ABCF3: variants seen among roughly 807,000 people sequenced by gnomAD.
ABCF3 encodes ATP binding cassette subfamily F member 3.
Under a neutral mutation model 94.3 loss-of-function variants are expected in ABCF3, and 62 were observed. That is an observed-to-expected ratio of 0.66 (90% CI 0.54 to 0.81). The LOEUF (loss-of-function observed/expected upper bound fraction) is 0.81, where lower values mean the gene tolerates loss of function less well. ABCF3 is among the 40% of genes least tolerant of loss of function. ABCF3 has a pLI of 0.00. For missense variants in ABCF3, 843 were observed against 925.3 expected, an observed-to-expected ratio of 0.91 and a Z score of 1.15; for synonymous variants, 355 against 361.1, an observed-to-expected ratio of 0.98 and a Z score of 0.19.
Position 184,189,659 on chromosome 3 carries a change from C to T in ABCF3, c.1216C>T (p.Arg406Trp), listed in dbSNP as rs775010133. ...GCACAGCCAGCGGCTAGATGGTTAC[C>T]GGGGAGACTTTGAGACCTTCATCAA... The part of the protein sequence containing the change: ...HLHSQRLDGY[R>W]GDFETFIKSK... The change falls in exon 13 of 21, where the codon CGG (arginine) becomes TGG (tryptophan). Residue 406 changes from arginine to tryptophan, a missense_variant. Coordinates refer to ENST00000429586, the MANE Select transcript of ABCF3 (RefSeq NM_018358.3). 5.6e-6 allele frequency: 9 copies of T among 1,614,170 alleles called. No homozygotes were observed. Among genetic ancestry groups the T allele is most frequent in the African/African-American group, 2.7e-5 (2 of 75,038 alleles).
At chr3:184,186,326 CG>C in intron 1 of ABCF3, 46 bp downstream of exon 1, 1 of 1,612,000 alleles carries the variant, frequency 6.2e-7, no homozygotes, top group Non-Finnish European at 8.5e-7. Context: ...AAGTGGAGGC[CG>C]GGGGAAAGTC....
intron 16 of ABCF3, 36 bp from the exon 17 acceptor site, chr3:184,192,565 T>C (rs371672746): frequency 3.9e-4 from 609 of 1,572,844 alleles, no homozygotes; most frequent in Non-Finnish European, 4.9e-4. Context: ...TTTATTTTTC[T>C]GGCACACACT....
intron 16 of ABCF3, among the ~76,000 whole-genome samples, chr3:184,191,888 G>A (rs1387301907): frequency 1.3e-5 from 2 of 151,732 alleles, no homozygotes; most frequent in East Asian, 3.9e-4. Context: ...GAGATTACAG[G>A]CACCCGCCAC....
At position 184,186,597 on chromosome 3, in the gene ABCF3, G is replaced by A. The variant is rs1456267170; in HGVS notation, c.164G>A (p.Ser55Asn). The A allele has an allele frequency of 6.2e-7, 1 of 1,613,888 alleles. No homozygotes were observed. The highest frequency in any genetic ancestry group is 2.2e-5 in the East Asian group (1 of 44,906). ...GELLQEVSGD[S>N]KDDAGIRAVC... ...CTATTGCAAGAGGTGTCCGGGGACA[G>A]CAAGGATGACGCGGGCATCAGGGCC... Residue 55 changes from serine (S) to asparagine (N), a missense_variant, in exon 2 of 21, where the codon AGC (serine) becomes AAC (asparagine). Transcript: ENST00000429586.
chr3:184,191,361 C>G, intron 16 of ABCF3, 106 bp downstream of exon 16: 1 of 1,547,198 alleles, frequency 6.5e-7, no homozygotes, highest in African/African-American at 1.4e-5. Flanking sequence ...GTCTGTGGAA[C>G]AGGAGTGAGG....
intron 16 of ABCF3, among the ~76,000 whole-genome samples, chr3:184,191,578 G>A (rs967550398): frequency 2.0e-5 from 3 of 152,082 alleles, no homozygotes; most frequent in African/African-American, 7.2e-5. Flanking sequence ...GTCAGACTTC[G>A]GATCTTGACT....
chr3:184,192,739 ATGC>A, intron 17 of ABCF3, 50 bp downstream of exon 17: 4 of 1,606,922 alleles, frequency 2.5e-6, no homozygotes, highest in Non-Finnish European at 3.4e-6. Context: ...GCAGGCACCC[ATGC>A]TGCCTGCGCT....
rs375117891 is a variant in ABCF3 at position 184,186,525 on chromosome 3, G to T, written c.92G>T (p.Ser31Ile). 3.3e-5 allele frequency: 54 copies of T among 1,612,658 alleles called. No individual in the cohort carries two copies. Among genetic ancestry groups the T allele is most frequent in the Non-Finnish European group, 4.4e-5 (52 of 1,179,236 alleles). Reference protein sequence around the residue: ...DYVTGVLHSGSADFESVDDLV... With the variant: ...DYVTGVLHSGIADFESVDDLV... ...TGCCCAGGCGTCTTGCACAGCGGCA[G>T]CGCGGACTTCGAGTCTGTGGATGAC... is the stretch of plus-strand genomic sequence containing the variant. Residue 31 changes from serine to isoleucine, a missense_variant, in exon 2 of 21, where the codon AGC (serine) becomes ATC (isoleucine). By Grantham distance (142) the Ser-to-Ile change is moderately radical. Coordinates refer to ENST00000429586, the MANE Select transcript of ABCF3 (RefSeq NM_018358.3).
chr3:184,189,685 G>A lies in ABCF3; in HGVS notation c.1242G>A (p.Lys414=). ...GGGGAGACTTTGAGACCTTCATCAA[G>A]AGTAAGCAGGAGCGGCTGCTCAACC... ...GYRGDFETFI[K]SKQERLLNQQ... Residue 414 remains lysine, a synonymous_variant, in exon 13 of 21, where the codon AAG becomes AAA. Coordinates refer to ENST00000429586, the MANE Select transcript of ABCF3 (RefSeq NM_018358.3). 1 of 1,614,166 alleles carries A rather than the reference G, an allele frequency of 6.2e-7. No individual in the cohort carries two copies. The highest frequency in any genetic ancestry group is 8.5e-7 in the Non-Finnish European group (1 of 1,180,030).
rs1465395234 is a variant in ABCF3, at chr3:184,191,180, T to C, written c.1494T>C (p.Asp498=). 2 of 1,614,240 alleles carry C rather than the reference T, an allele frequency of 1.2e-6. No homozygotes were observed. The highest frequency in any genetic ancestry group is 1.3e-5 in the African/African-American group (1 of 75,062). Residue 498 remains aspartate, a synonymous_variant, in exon 16 of 21, where the codon GAT becomes GAC. Coordinates refer to ENST00000429586, the MANE Select transcript of ABCF3 (RefSeq NM_018358.3). Reference sequence around the variant, plus strand: ...CAATTCTGCAGCTAGATGAGGTGGATTTCTACTACGATCCGAAGCACGTCA... The same window carrying C: ...CAATTCTGCAGCTAGATGAGGTGGACTTCTACTACGATCCGAAGCACGTCA... ...SPPILQLDEV[D]FYYDPKHVIF...
Position 184,188,358 on chromosome 3 carries a change from G to C in ABCF3, c.787G>C (p.Asp263His), listed in dbSNP as rs537433591. The change falls in exon 7 of 21, where the codon GAT (aspartate) becomes CAT (histidine). Residue 263 changes from aspartate to histidine, a missense_variant. Physicochemically the swap from Asp to His is moderately conservative, Grantham distance 81 (BLOSUM62 -1). Transcript: ENST00000429586. ...SVLESDSVRE[D>H]LLRRERELTA... ...GCTGGAGAGTGACAGTGTGCGAGAG[G>C]ATTTGCTACGGAGGGAGCGGGAGCT... The C allele has an allele frequency of 2.5e-5, 41 of 1,613,584 alleles. 2 individuals carry two copies. In the South Asian group the frequency reaches 4.3e-4, roughly 17 times the overall value.
Position 184,193,955 on chromosome 3 carries a change from T to C in ABCF3, c.*257T>C, listed in dbSNP as rs893695664. ...TTATAGATTCCCCCACTGCCCCAGC[T>C]CTGACTGGACCCCAAGTGGCTGCTA... is the stretch of plus-strand genomic sequence containing the variant. On this transcript the variant is annotated 3_prime_UTR_variant, in exon 21 of 21. Transcript: ENST00000429586. This position sits in a 1 kb window ranked among gnomAD's most constrained non-coding sequence, Gnocchi z 5.2. 3 of 461,824 alleles carry C rather than the reference T, an allele frequency of 6.5e-6. No homozygotes were observed. Among genetic ancestry groups the C allele is most frequent in the African/African-American group, 3.9e-5 (2 of 50,738 alleles). The allele number at this position is 461,824 out of a possible 1,614,324, so 28.6% of individuals were successfully genotyped here.
intron 14 of ABCF3, 98 bp from the exon 15 acceptor site, chr3:184,190,901 G>C: frequency 7.1e-7 from 1 of 1,414,484 alleles, no homozygotes; most frequent in Non-Finnish European, 9.7e-7. Flanking sequence ...AGTGGTAGGA[G>C]TACAAGCCCT....
rs983281920 is a variant in ABCF3 at position 184,186,377 on chromosome 3, C to G, written c.73+97C>G. 61 of 1,589,748 alleles carry G rather than the reference C, an allele frequency of 3.8e-5. No individual in the cohort carries two copies. In the African/African-American group the frequency reaches 5.9e-4, roughly 15 times the overall value. On this transcript the variant is annotated intron_variant, in intron 1 of 20. Transcript: ENST00000429586. Reference sequence around the variant, plus strand: ...GCCCGGGACTGTTGCCAGGCCTCTCCTCTGCATGACCTCTTGTCCCGGGGG... The same window carrying G: ...GCCCGGGACTGTTGCCAGGCCTCTCGTCTGCATGACCTCTTGTCCCGGGGG...
At chr3:184,187,549 GC>G in intron 4 of ABCF3, 106 bp downstream of exon 4, 1 of 1,539,702 alleles carries the variant, frequency 6.5e-7, no homozygotes, top group East Asian at 2.2e-5. Context: ...CTTTTCCTGA[GC>G]CTTTGAGTCT....
At position 184,191,041 on chromosome 3, in the gene ABCF3, G is replaced by A; in HGVS notation, c.1434G>A (p.Met478Ile). The A allele has an allele frequency of 6.2e-7, 1 of 1,614,216 alleles. No individual in the cohort carries two copies. Among genetic ancestry groups the A allele is most frequent in the African/African-American group, 1.3e-5 (1 of 75,040 alleles). ...TGGACAAGGAATCAGAGGTCGTAATGAAGTAAGTGCTGGGCCAGTGGGGCT... is the reference window on the plus strand; with the variant it reads ...TGGACAAGGAATCAGAGGTCGTAATAAAGTAAGTGCTGGGCCAGTGGGGCT... ...KPVDKESEVV[M>I]KFPDGFEKFS... The change falls in exon 15 of 21, where the codon ATG becomes ATA. Residue 478 changes from methionine to isoleucine, a missense_variant and splice_region_variant. Transcript: ENST00000429586.
intron 14 of ABCF3, chr3:184,190,228 C>T (rs1203816530): frequency 1.1e-5 from 5 of 462,660 alleles, no homozygotes; most frequent in South Asian, 2.4e-5. Context: ...TTTTACCTGG[C>T]GTCATGTGTG....
rs764342310 is a variant in ABCF3 at position 184,189,881 on chromosome 3, T to C, written c.1341T>C (p.Asn447=). ...TTTTCATTGACCGGTTTCGCTACAA[T>C]GCCAACAGGGCCTCTCAAGTGCAGA... The part of the protein sequence containing the change: ...IQVFIDRFRY[N]ANRASQVQSK... Residue 447 remains asparagine, a synonymous_variant, in exon 14 of 21, where the codon AAT becomes AAC. Transcript: ENST00000429586. The C allele has an allele frequency of 6.2e-7, 1 of 1,614,224 alleles. No individual in the cohort carries two copies. The highest frequency in any genetic ancestry group is 1.7e-5 in the Admixed American group (1 of 60,026).
rs980076560 is a variant in ABCF3, at chr3:184,186,847, C to A, written c.273C>A (p.Ile91=). 1 of 1,613,874 alleles carries A rather than the reference C, an allele frequency of 6.2e-7. No individual in the cohort carries two copies. Among genetic ancestry groups the A allele is most frequent in the African/African-American group, 1.3e-5 (1 of 74,938 alleles). The part of the protein sequence containing the change: ...GNSQVLLDAP[I]QLSKITENYD... ...GCCAGGTGCTACTGGACGCCCCTATCCAGTTGTCAAAGATAACGGAGAACT... is the reference window on the plus strand; with the variant it reads ...GCCAGGTGCTACTGGACGCCCCTATACAGTTGTCAAAGATAACGGAGAACT... The change falls in exon 3 of 21, where the codon ATC becomes ATA. Residue 91 remains isoleucine, a synonymous_variant. Transcript: ENST00000429586.
Sources: allele counts gnomAD v4.1 joint callset (sites outside exome capture counted in the v4.1 genomes callset), GRCh38; gene constraint gnomAD v4.1.1; non-coding constraint Gnocchi (gnomAD v3.1); transcripts MANE v1.5; gene names NCBI Gene and HGNC (gene_info 2026-07-23, HGNC 2026-07-21).